Variants in METTL14 observed in about 807,000 individuals in gnomAD.
METTL14 encodes the protein N(6)-adenosine-methyltransferase non-catalytic subunit METTL14.
A neutral mutation model predicts 62.4 loss-of-function variants in METTL14; 32 were observed. The ratio of observed to expected loss-of-function variants is 0.51; its 90% CI spans 0.39 to 0.69. The LOEUF is 0.69. METTL14 is among the 30% of genes least tolerant of loss of function. METTL14 has a pLI of 0.00. For synonymous variants in METTL14, 150 were observed against 180.0 expected, an observed-to-expected ratio of 0.83 and a Z score of 1.34; for missense variants, 340 against 551.9, an observed-to-expected ratio of 0.62 and a Z score of 3.85.
rs1009046124 is a variant in METTL14, at chr4:118,692,692, G to A, written c.412+624G>A. Among the ~76,000 whole-genome samples, 8 of 144,618 alleles carry A rather than the reference G, an allele frequency of 5.5e-5. No homozygotes were observed. In the East Asian group the frequency reaches 1.4e-3, roughly 25 times the overall value. The allele number at this position is 144,618 out of a possible 152,430, so 94.9% of individuals were successfully genotyped here. A position where few individuals can be genotyped will look rare whatever the true frequency, so the allele number is the denominator to read the frequency against. ...TTTATTGAGATAATACTTACATACT[G>A]TACAATTCACTCAAAAGAGTTTTTT... On this transcript the variant is annotated intron_variant, in intron 5 of 10. Transcript: ENST00000388822.
chr4:118,704,073 T>C (rs563612618), intron 9 of METTL14, 22 bp downstream of exon 9: 200 of 1,411,886 alleles, frequency 1.4e-4, no homozygotes, highest in Non-Finnish European at 1.9e-4. Context: ...ACTGATTTGT[T>C]TTTTTTAATT....
Position 118,703,495 on chromosome 4 carries a change from C to T in METTL14, c.739-440C>T, listed in dbSNP as rs1431599443. The stretch of plus-strand genomic sequence containing the variant: ...TAGAAATAAGATTTTATAAGACTCT[C>T]ATTTGAAGTTAGCGTTTAGAAAATT... On this transcript the variant is annotated intron_variant, in intron 8 of 10. Coordinates refer to ENST00000388822, the MANE Select transcript of METTL14 (RefSeq NM_020961.4). Among the ~76,000 whole-genome samples, 6 of 152,168 alleles carry T rather than the reference C, an allele frequency of 3.9e-5. No individual in the cohort carries two copies. In the East Asian group the frequency reaches 7.7e-4, roughly 20 times the overall value.
intron 10 of METTL14, among the ~76,000 whole-genome samples, chr4:118,708,852 C>G (rs979025880): frequency 1.3e-5 from 2 of 152,156 alleles, no homozygotes; most frequent in Admixed American, 6.5e-5. Context: ...TTTTCAGGGT[C>G]CCCTACAAAG....
chr4:118,700,696 A>C (rs1468084954), intron 8 of METTL14, 54 bp downstream of exon 8: 14 of 1,296,944 alleles, frequency 1.1e-5, no homozygotes, highest in Admixed American at 1.9e-5. Flanking sequence ...AAAAAATGTA[A>C]CAGTATGTTG....
intron 8 of METTL14, among the ~76,000 whole-genome samples, chr4:118,703,498 T>A (rs993684952): frequency 1.3e-5 from 2 of 152,206 alleles, no homozygotes; most frequent in South Asian, 4.1e-4. Context: ...AGACTCTCAT[T>A]TGAAGTTAGC....
intron 2 of METTL14, among the ~76,000 whole-genome samples, chr4:118,688,334 G>A (rs1331499864): frequency 6.6e-6 from 1 of 151,928 alleles, no homozygotes; most frequent in East Asian, 1.9e-4. Flanking sequence ...CTACTCGGGA[G>A]CCTTAGGCAG....
chr4:118,692,576 C>T (rs1240048796), intron 5 of METTL14, among the ~76,000 whole-genome samples: 2 of 151,990 alleles, frequency 1.3e-5, no homozygotes. Flanking sequence ...CCCTGTATAC[C>T]TTCTTTTTCT....
chr4:118,689,766 C>T (rs1308320147), intron 3 of METTL14, among the ~76,000 whole-genome samples: 3 of 151,580 alleles, frequency 2.0e-5, no homozygotes, highest in Non-Finnish European at 4.4e-5. Flanking sequence ...GCCTCAGCCT[C>T]CCAAGTAGCT....
chr4:118,699,914 G>A (rs1389608016), intron 7 of METTL14, among the ~76,000 whole-genome samples: 1 of 152,042 alleles, frequency 6.6e-6, no homozygotes, highest in Non-Finnish European at 1.5e-5. Flanking sequence ...AAATGTTTGG[G>A]TTTCACAGGT....
chr4:118,691,095 A>C (rs1031176099), intron 3 of METTL14, among the ~76,000 whole-genome samples: 2 of 151,872 alleles, frequency 1.3e-5, no homozygotes, highest in African/African-American at 4.9e-5. Context: ...ATGTAACTTA[A>C]ATGTTTGTGA....
At chr4:118,693,356 A>G (rs924499129) in intron 5 of METTL14, among the ~76,000 whole-genome samples, 14 of 152,104 alleles carry the variant, frequency 9.2e-5, no homozygotes, top group Admixed American at 1.3e-4. Flanking sequence ...TTGAATAACA[A>G]GAGTCTTTTA....
intron 7 of METTL14, 173 bp downstream of exon 7, chr4:118,697,496 A>G: frequency 1.8e-6 from 1 of 551,396 alleles, no homozygotes; most frequent in Non-Finnish European, 2.9e-6. Context: ...ATATTACATT[A>G]TCTTTAATTT....
chr4:118,692,374 A>AC lies in METTL14; in HGVS notation c.412+312dup, dbSNP rs1206938078. ...CTCCCAAGTAGCTGGGATTACAGGCACCCCCCACCGTGCCTAGATAATTTT... is the reference window on the plus strand; with the variant it reads ...CTCCCAAGTAGCTGGGATTACAGGCACCCCCCCACCGTGCCTAGATAATTTT... On this transcript the variant is annotated intron_variant, in intron 5 of 10. Transcript: ENST00000388822. Among the ~76,000 whole-genome samples the AC allele has an allele frequency of 6.0e-5, 9 of 150,162 alleles. No homozygotes were observed. In the South Asian group the frequency reaches 6.3e-4, roughly 10 times the overall value.
rs1724995778 is a variant in METTL14 at position 118,714,149 on chromosome 4, G to T, written c.*3847G>T. ...CTATATTAATAGAGAAGCAGGCCAA[G>T]AACTTTTTAATGGGATAATTGTCTT... On this transcript the variant is annotated 3_prime_UTR_variant, in exon 11 of 11. Transcript: ENST00000388822. 1 of 152,328 alleles carries T rather than the reference G, an allele frequency of 6.6e-6. No individual in the cohort carries two copies. The allele number at this position is 152,328 out of a possible 1,614,324, so 9.4% of individuals were successfully genotyped here.
At chr4:118,708,430 C>G (rs1208655318) in intron 10 of METTL14, among the ~76,000 whole-genome samples, 2 of 152,064 alleles carry the variant, frequency 1.3e-5, no homozygotes, top group African/African-American at 2.4e-5. Context: ...TAGAAGGCAG[C>G]AAATAAAAAT....
chr4:118,708,261 A>G (rs1289170609), intron 10 of METTL14, among the ~76,000 whole-genome samples: 1 of 152,246 alleles, frequency 6.6e-6, no homozygotes, highest in Non-Finnish European at 1.5e-5. Context: ...AAGGATTTCC[A>G]TGTTTTACGT....
intron 1 of METTL14, among the ~76,000 whole-genome samples, chr4:118,686,873 C>T (rs1381885324): frequency 1.3e-5 from 2 of 152,190 alleles, no homozygotes; most frequent in Non-Finnish European, 2.9e-5. Context: ...TTGCACTCTA[C>T]TTAGCCAGCC....
At chr4:118,705,473 C>G in intron 9 of METTL14, 138 bp from the exon 10 acceptor site, 1 of 728,716 alleles carries the variant, frequency 1.4e-6, no homozygotes. Context: ...GACCCAGTCT[C>G]AAAAAGAAGA....
chr4:118,710,996 AAGG>A lies in METTL14; in HGVS notation c.*699_*701del, dbSNP rs1475667495. 6.6e-6 allele frequency: 1 copy of A among 152,172 alleles called. No homozygotes were observed. Among genetic ancestry groups the A allele is most frequent in the African/African-American group, 2.4e-5 (1 of 41,450 alleles). 9.4% of individuals were successfully genotyped at this position (152,172 alleles called of 1,614,324 possible). A position where few individuals can be genotyped will look rare whatever the true frequency, so the allele number is the denominator to read the frequency against. On this transcript the variant is annotated 3_prime_UTR_variant, in exon 11 of 11. Coordinates refer to ENST00000388822, the MANE Select transcript of METTL14 (RefSeq NM_020961.4). ...TCCTAATCACGCTTCCTAAGAAGCA[AAGG>A]AGGACAAATATTCATGTGCTAGATA...
Sources: allele counts gnomAD v4.1 joint callset (sites outside exome capture counted in the v4.1 genomes callset), GRCh38; gene constraint gnomAD v4.1.1; transcripts MANE v1.5; gene names NCBI Gene and HGNC (gene_info 2026-07-23, HGNC 2026-07-21).